The following HERC1 variants were observed in gnomAD, a reference collection of about 807,000 sequenced individuals.
HERC1 encodes the protein HECT and RLD domain containing E3 ubiquitin protein ligase family member 1.
Under a neutral mutation model 554.3 loss-of-function variants are expected in HERC1, and 160 were observed. The observed-to-expected ratio is 0.29, with a 90% CI of 0.25 to 0.33. The LOEUF (loss-of-function observed/expected upper bound fraction) is 0.33. HERC1 is among the 10% of genes least tolerant of loss of function. The pLI, the probability that HERC1 is intolerant of heterozygous loss-of-function variation, is 1.00. For missense variants in HERC1, 4,919 were observed against 5,918.5 expected, an observed-to-expected ratio of 0.83 and a Z score of 5.54; for synonymous variants, 2,175 against 2,131.7, an observed-to-expected ratio of 1.02 and a Z score of -0.56.
intron 74 of HERC1, 164 bp from the exon 75 acceptor site, chr15:63,616,846 T>A: frequency 1.6e-6 from 1 of 640,794 alleles, no homozygotes; most frequent in East Asian, 2.8e-5. Context: ...ATTCAGTTCT[T>A]CGGCTTCCCT....
At position 63,694,126 on chromosome 15, in the gene HERC1, C is replaced by T; in HGVS notation, c.5512G>A (p.Val1838Ile). ...CAGAGTAGATCCAACAAGGATTGAACTACTTTGGGACTCAGTTTATCAGCA... is the reference window on the plus strand; with the variant it reads ...CAGAGTAGATCCAACAAGGATTGAATTACTTTGGGACTCAGTTTATCAGCA... ...TYADKLSPKV[V>I]QSLLDLLCSQ... is the part of the protein sequence containing the mutation. The change falls in exon 30 of 78, where the codon GTT becomes ATT. Residue 1838 changes from valine to isoleucine, a missense_variant. By Grantham distance (29) the Val-to-Ile change is conservative. Around this residue, in one of 11 missense-constraint regions of HERC1, gnomAD observed 1,121 missense variants for 1,244.0 expected, o/e 0.90. Transcript: ENST00000443617. This position sits in a 1 kb window ranked among gnomAD's most constrained non-coding sequence, Gnocchi z 4.3. 6.2e-7 allele frequency: 1 copy of T among 1,608,516 alleles called. No individual in the cohort carries two copies. The highest frequency in any genetic ancestry group is 8.5e-7 in the Non-Finnish European group (1 of 1,177,292).
At chr15:63,655,614 A>C in intron 50 of HERC1, 128 bp downstream of exon 50, 3 of 646,646 alleles carry the variant, frequency 4.6e-6, no homozygotes, top group Non-Finnish European at 7.8e-6. Context: ...GTATCTATGC[A>C]CTTCTTTTAT....
chr15:63,758,125 G>T lies in HERC1; in HGVS notation c.1221+50C>A. 1 of 1,292,340 alleles carries T rather than the reference G, an allele frequency of 7.7e-7. No individual in the cohort carries two copies. Among genetic ancestry groups the T allele is most frequent in the Non-Finnish European group, 1.1e-6 (1 of 914,682 alleles). The allele number at this position is 1,292,340 out of a possible 1,614,324, so 80.1% of individuals were successfully genotyped here. On this transcript the variant is annotated intron_variant, in intron 4 of 77. Transcript: ENST00000443617. The surrounding 1 kb of genome is among the most constrained non-coding windows in gnomAD (Gnocchi z 4.0). ...AGTATTATTTAATGCAAATAAGCAT[G>T]AATATACACCAGATTATCTACCAGT...
Position 63,734,808 on chromosome 15 carries a change from T to C in HERC1, c.2562A>G (p.Leu854=). ...ATTCCATCCGTTCTCGTAATGGAGG[T>C]AACAGCATGGTTGCTCCCACTGATA... ...ETLSVGATML[L]PPLRERMELL... is the part of the protein sequence containing the mutation. Residue 854 remains leucine, a synonymous_variant, in exon 13 of 78, where the codon TTA becomes TTG. Coordinates refer to ENST00000443617, the MANE Select transcript of HERC1 (RefSeq NM_003922.4). The surrounding 1 kb of genome is among the most constrained non-coding windows in gnomAD (Gnocchi z 4.6). The C allele has an allele frequency of 6.2e-7, 1 of 1,608,638 alleles. No individual in the cohort carries two copies. Among genetic ancestry groups the C allele is most frequent in the Non-Finnish European group, 8.5e-7 (1 of 1,177,138 alleles).
At chr15:63,724,748 A>C (rs920874186) in intron 18 of HERC1, among the ~76,000 whole-genome samples, 1 of 152,210 alleles carries the variant, frequency 6.6e-6, no homozygotes, top group Non-Finnish European at 1.5e-5. Context: ...ATAAGTCTTC[A>C]TGTTCAGTCT....
intron 1 of HERC1, among the ~76,000 whole-genome samples, chr15:63,789,522 G>C (rs1358025909): frequency 3.3e-5 from 5 of 151,966 alleles, no homozygotes; most frequent in African/African-American, 1.2e-4. Context: ...CTGAGGTCCG[G>C]CATGGTGGCT....
At position 63,641,628 on chromosome 15, in the gene HERC1, T is replaced by C. The variant is rs1224668765; in HGVS notation, c.11449A>G (p.Asn3817Asp). 1 of 1,544,976 alleles carries C rather than the reference T, an allele frequency of 6.5e-7. No homozygotes were observed. The highest frequency in any genetic ancestry group is 8.8e-7 in the Non-Finnish European group (1 of 1,141,250). ...SNRSKDVLVVNCTAEWAAANH... is the reference protein window; with the variant it reads ...SNRSKDVLVVDCTAEWAAANH... ...GCAGCTGCCCATTCTGCTGTACAAT[T>C]CACGACCAAAACATCCTGGTTGAAA... Residue 3817 changes from asparagine to aspartate, a missense_variant, in exon 60 of 78, where the codon AAT (asparagine) becomes GAT (aspartate). Asn to Asp is a conservative substitution (Grantham distance 23). This residue lies in a region of HERC1 where 1,963 missense variants were observed against 2,228.6 expected (regional missense o/e 0.88). Coordinates refer to ENST00000443617, the MANE Select transcript of HERC1 (RefSeq NM_003922.4).
At chr15:63,675,627 G>A (rs757727800) in intron 37 of HERC1, among the ~76,000 whole-genome samples, 5 of 152,154 alleles carry the variant, frequency 3.3e-5, no homozygotes, top group African/African-American at 1.2e-4. Context: ...TTATTTCAGT[G>A]AGGACTTCAT....
At chr15:63,638,580 T>C (rs772862481) in intron 62 of HERC1, 44 bp from the exon 63 acceptor site, 1 of 1,613,252 alleles carries the variant, frequency 6.2e-7, no homozygotes, top group South Asian at 1.1e-5. Context: ...ATCCATTCAC[T>C]CAAACAGCCA....
chr15:63,634,403 C>T (rs973644375), intron 66 of HERC1, among the ~76,000 whole-genome samples: 8 of 152,164 alleles, frequency 5.3e-5, no homozygotes, highest in African/African-American at 1.9e-4. Flanking sequence ...AGCCATACAA[C>T]TCAAGGATAC....
rs369635073 is a variant in HERC1 at position 63,674,989 on chromosome 15, G to C, written c.7199C>G (p.Thr2400Ser). ...ASVLLDLTYL[T>S]GVHEDMGKQS... ...TTTGCCCATGTCTTCATGAACGCCA[G>C]TGAGATATGTTAGGTCCAGCAGCAC... Residue 2400 changes from threonine (T) to serine (S), a missense_variant, in exon 38 of 78, where the codon ACT (threonine) becomes AGT (serine). Transcript: ENST00000443617. The C allele has an allele frequency of 8.1e-6, 13 of 1,614,028 alleles. No homozygotes were observed. Among genetic ancestry groups the C allele is most frequent in the Non-Finnish European group, 1.1e-5 (13 of 1,179,886 alleles).
chr15:63,612,684 A>C lies in HERC1; in HGVS notation c.14095-128T>G, dbSNP rs1595812412. ...CCCAGACCCTCTACTTGTTTCTCAG[A>C]CCGCCAGGCACGAGAGTCAGTCAAA... On this transcript the variant is annotated intron_variant, in intron 76 of 77. Transcript: ENST00000443617. This position sits in a 1 kb window ranked among gnomAD's most constrained non-coding sequence, Gnocchi z 5.0. 3.6e-6 allele frequency: 3 copies of C among 822,972 alleles called. No homozygotes were observed. The highest frequency in any genetic ancestry group is 1.7e-5 in the African/African-American group (1 of 58,150). The allele number at this position is 822,972 out of a possible 1,614,324, so 51.0% of individuals were successfully genotyped here.
Position 63,694,247 on chromosome 15 carries a change from G to A in HERC1, c.5480+65C>T. ...ACATAAAGCAGATTAGAGGGAAAGG[G>A]GGAATTCTAAAATGGAGGAAGACCA... On this transcript the variant is annotated intron_variant, in intron 29 of 77. Transcript: ENST00000443617. The surrounding 1 kb of genome is among the most constrained non-coding windows in gnomAD (Gnocchi z 4.3). 2 of 1,567,514 alleles carry A rather than the reference G, an allele frequency of 1.3e-6. No individual in the cohort carries two copies. Among genetic ancestry groups the A allele is most frequent in the Non-Finnish European group, 1.7e-6 (2 of 1,154,786 alleles).
At position 63,706,720 on chromosome 15, in the gene HERC1, T is replaced by C. The variant is rs887326909; in HGVS notation, c.4636+60A>G. The C allele has an allele frequency of 7.7e-6, 7 of 906,034 alleles. No individual in the cohort carries two copies. The African/African-American group carries it at 8.5e-5, about 11-fold the overall frequency. 56.1% of individuals were successfully genotyped at this position (906,034 alleles called of 1,614,324 possible). On this transcript the variant is annotated intron_variant, in intron 25 of 77. Coordinates refer to ENST00000443617, the MANE Select transcript of HERC1 (RefSeq NM_003922.4). ...CTTAATTTATTTACTATGCTCTTTT[T>C]TTTTTTTTGAGACAGGGTCTCACTA...
chr15:63,785,101 T>C (rs923405737), intron 1 of HERC1, among the ~76,000 whole-genome samples: 2 of 152,122 alleles, frequency 1.3e-5, no homozygotes, highest in Non-Finnish European at 2.9e-5. Context: ...AATAAATATA[T>C]AAAGACTCAA....
At chr15:63,676,703 C>T (rs1257927903) in intron 37 of HERC1, among the ~76,000 whole-genome samples, 1 of 152,160 alleles carries the variant, frequency 6.6e-6, no homozygotes, top group Non-Finnish European at 1.5e-5. Context: ...TTGCAGTGAG[C>T]CAAGATCATG....
rs548101974 is a variant in HERC1 at position 63,651,226 on chromosome 15, GT to G, written c.10546+26del. 1.4e-4 allele frequency: 230 copies of G among 1,610,198 alleles called. No homozygotes were observed. The African/African-American group carries it at 2.7e-3, about 19-fold the overall frequency. On this transcript the variant is annotated intron_variant, in intron 53 of 77. Transcript: ENST00000443617. ...AGGCTTTAAAAAACTACTTTCAGCA[GT>G]TTACTAGTGTTTACATGACTCTTAC... is the stretch of plus-strand genomic sequence containing the variant.
chr15:63,713,439 CACA>C lies in HERC1; in HGVS notation c.4374_4376del (p.Val1459del). 6.2e-7 allele frequency: 1 copy of C among 1,614,056 alleles called. No individual in the cohort carries two copies. The highest frequency in any genetic ancestry group is 8.5e-7 in the Non-Finnish European group (1 of 1,179,894). ...CTCTTCGCTTCTGAAGCTCATCTAT[CACA>C]GGACTTACTCCTAATATTAACAGGG... On this transcript the variant is annotated inframe_deletion, in exon 23 of 78. Coordinates refer to ENST00000443617, the MANE Select transcript of HERC1 (RefSeq NM_003922.4).
chr15:63,618,111 C>T (rs1595825731), intron 74 of HERC1, among the ~76,000 whole-genome samples: 1 of 152,002 alleles, frequency 6.6e-6, no homozygotes. Context: ...AATGCCTAGG[C>T]TTTCTTCTAG....
Sources: gnomAD v4.1 joint callset for allele counts (sites outside exome capture counted in the v4.1 genomes callset) on GRCh38, gnomAD v4.1.1 for gene constraint, gnomAD v4.1.1 regional missense constraint, Gnocchi (gnomAD v3.1) non-coding constraint, MANE v1.5 for transcripts, NCBI Gene and HGNC (gene_info 2026-07-23, HGNC 2026-07-21) for gene names.